The following KLHL4 variants were observed in gnomAD, a reference collection of about 807,000 sequenced individuals.
KLHL4 encodes kelch like family member 4.
A neutral mutation model predicts 45.8 loss-of-function variants in KLHL4; 17 were observed. That is an observed-to-expected ratio of 0.37 (90% CI 0.25 to 0.56). The LOEUF is 0.56. Among genes scored for constraint, KLHL4 ranks in the 20% least tolerant of loss-of-function variants. The probability of loss-of-function intolerance (pLI) is 0.79; values close to 1 mark genes in which losing one functional copy is unlikely to be tolerated. For synonymous variants in KLHL4, 224 were observed against 189.9 expected, an observed-to-expected ratio of 1.18 and a Z score of -1.47; for missense variants, 544 against 544.9, an observed-to-expected ratio of 1.00 and a Z score of 0.02.
At position 87,667,749 on chromosome X, in the gene KLHL4, C is replaced by T. The variant is rs1924420416; in HGVS notation, c.*1215C>T. ...AGTAACTTTTCAAGTAAATGCACAA[C>T]TTTAGAATTTCTACAAATAAGTTCT... On this transcript the variant is annotated 3_prime_UTR_variant, in exon 11 of 11. Coordinates refer to ENST00000373119, the MANE Select transcript of KLHL4 (RefSeq NM_019117.5). 1.4e-6 allele frequency: 1 copy of T among 699,957 alleles called. No individual in the cohort carries two copies. Among genetic ancestry groups the T allele is most frequent in the Non-Finnish European group, 1.7e-6 (1 of 590,903 alleles). The allele number at this position is 699,957 out of a possible 1,213,427, so 57.7% of individuals were successfully genotyped here. A position where few individuals can be genotyped will look rare whatever the true frequency, so the allele number is the denominator to read the frequency against.
At chrX:87,646,869 C>A (rs1470900923) in intron 9 of KLHL4, among the ~76,000 whole-genome samples, 1 of 111,297 alleles carries the variant, frequency 9.0e-6, no homozygotes, top group East Asian at 2.8e-4. Flanking sequence ...AACCCAAAAG[C>A]AAATGCAACA....
chrX:87,634,016 T>C (rs1294119719), intron 8 of KLHL4, 105 bp downstream of exon 8: 12 of 624,616 alleles, frequency 1.9e-5, no homozygotes, highest in Non-Finnish European at 2.6e-5. Context: ...AACCTGGATG[T>C]ACTTGTTATC....
At chrX:87,557,046 A>G (rs1272432183) in intron 1 of KLHL4, among the ~76,000 whole-genome samples, 1 of 112,331 alleles carries the variant, frequency 8.9e-6, no homozygotes, top group African/African-American at 3.2e-5. Context: ...CAAAGTAGAA[A>G]TAACCGTGAG....
intron 9 of KLHL4, among the ~76,000 whole-genome samples, chrX:87,645,335 C>A (rs1232475861): frequency 1.8e-5 from 2 of 111,759 alleles, no homozygotes; most frequent in Non-Finnish European, 3.8e-5. Context: ...AAATGCAAAT[C>A]AAAACCACAA....
intron 9 of KLHL4, among the ~76,000 whole-genome samples, chrX:87,653,096 A>G (rs771440198): frequency 1.8e-5 from 2 of 111,665 alleles, no homozygotes; most frequent in Non-Finnish European, 3.8e-5. Context: ...GCCATGATTC[A>G]ATTATCTCCT....
chrX:87,669,650 CTA>C lies in KLHL4; in HGVS notation c.*3118_*3119del, dbSNP rs1179542312. 3.9e-6 allele frequency: 1 copy of C among 256,330 alleles called. No homozygotes were observed. Among genetic ancestry groups the C allele is most frequent in the Admixed American group, 6.3e-5 (1 of 15,832 alleles). The allele number at this position is 256,330 out of a possible 1,213,427, so 21.1% of individuals were successfully genotyped here. Reference sequence around the variant, plus strand: ...ACAAATGTCCTCAACTGTCATCATTCTATGTTTACTTTCTCCCAATCACATCA... The same window carrying C: ...ACAAATGTCCTCAACTGTCATCATTCTGTTTACTTTCTCCCAATCACATCA... On this transcript the variant is annotated 3_prime_UTR_variant, in exon 11 of 11. Coordinates refer to ENST00000373119, the MANE Select transcript of KLHL4 (RefSeq NM_019117.5).
intron 1 of KLHL4, among the ~76,000 whole-genome samples, chrX:87,554,581 T>G (rs1186836175): frequency 9.6e-6 from 1 of 103,988 alleles, no homozygotes; most frequent in Non-Finnish European, 1.9e-5. Context: ...ATCCTGAGAC[T>G]TTGCTGAAGT....
chrX:87,609,161 G>T (rs1922291628), intron 1 of KLHL4, among the ~76,000 whole-genome samples: 1 of 111,728 alleles, frequency 9.0e-6, no homozygotes, highest in African/African-American at 3.3e-5. Context: ...GTCTGTCATT[G>T]TTGGACATTT....
At chrX:87,566,522 T>A (rs1389324704) in intron 1 of KLHL4, among the ~76,000 whole-genome samples, 2 of 111,880 alleles carry the variant, frequency 1.8e-5, no homozygotes, top group Non-Finnish European at 3.8e-5. Flanking sequence ...ATTAAGCCTA[T>A]TTCATAGTAA....
chrX:87,596,841 A>T (rs1292946383), intron 1 of KLHL4, among the ~76,000 whole-genome samples: 1 of 112,638 alleles, frequency 8.9e-6, no homozygotes. Context: ...ATCGCAAAGG[A>T]TATGGCATAT....
chrX:87,643,102 C>CA (rs1456656511), intron 9 of KLHL4, among the ~76,000 whole-genome samples: 3 of 110,147 alleles, frequency 2.7e-5, no homozygotes, highest in Non-Finnish European at 3.8e-5. Context: ...AAATTGAAAC[C>CA]AAAAAAATAC....
In KLHL4 at chrX:87,669,132, A is replaced by G; in HGVS notation, c.*2598A>G. 1 of 1,014,352 alleles carries G rather than the reference A, an allele frequency of 9.9e-7. No homozygotes were observed. Among genetic ancestry groups the G allele is most frequent in the South Asian group, 3.2e-5 (1 of 31,630 alleles). The allele number at this position is 1,014,352 out of a possible 1,213,427, so 83.6% of individuals were successfully genotyped here. On this transcript the variant is annotated 3_prime_UTR_variant, in exon 11 of 11. Coordinates refer to ENST00000373119, the MANE Select transcript of KLHL4 (RefSeq NM_019117.5). ...GCTAGTTTAAACAAATGTGTATAGG[A>G]AAGGATGTTATTTATATATTCTTAC...
chrX:87,592,459 T>C (rs577537835), intron 1 of KLHL4, among the ~76,000 whole-genome samples: 2 of 111,844 alleles, frequency 1.8e-5, no homozygotes, highest in South Asian at 7.5e-4. Flanking sequence ...AGTGACTTAC[T>C]AATTTACATT....
At chrX:87,638,265 A>G (rs983986307) in intron 9 of KLHL4, among the ~76,000 whole-genome samples, 1 of 112,246 alleles carries the variant, frequency 8.9e-6, no homozygotes, top group African/African-American at 3.2e-5. Flanking sequence ...TTTGGAAAAC[A>G]TATTTGAGGG....
chrX:87,596,129 A>C (rs1363444166), intron 1 of KLHL4, among the ~76,000 whole-genome samples: 1 of 111,692 alleles, frequency 9.0e-6, no homozygotes, highest in Non-Finnish European at 1.9e-5. Context: ...ACCTTCCACC[A>C]TAAATAAGTT....
In KLHL4 at chrX:87,668,663, A is replaced by T. The variant is rs1044655552; in HGVS notation, c.*2129A>T. The T allele has an allele frequency of 6.9e-6, 1 of 144,644 alleles. No homozygotes were observed. The highest frequency in any genetic ancestry group is 3.3e-5 in the African/African-American group (1 of 30,730). 11.9% of individuals were successfully genotyped at this position (144,644 alleles called of 1,213,427 possible). On this transcript the variant is annotated 3_prime_UTR_variant, in exon 11 of 11. Coordinates refer to ENST00000373119, the MANE Select transcript of KLHL4 (RefSeq NM_019117.5). ...GATTAATCCATTCATGGATTAATGG[A>T]TTATTATGAGTGGGGGACTGGTGAC...
intron 1 of KLHL4, among the ~76,000 whole-genome samples, chrX:87,562,121 G>A (rs1484838202): frequency 1.8e-5 from 2 of 108,465 alleles, no homozygotes; most frequent in East Asian, 5.9e-4. Context: ...GAAAGGAGAG[G>A]GAAGAAAAAA....
rs187876992 is a variant in KLHL4 at position 87,667,941 on chromosome X, G to A, written c.*1407G>A. ...AAACTTTATTTCCTCTCACTATAGTGTGGCTTTAGAATATATCAAGTACAA... is the reference window on the plus strand; with the variant it reads ...AAACTTTATTTCCTCTCACTATAGTATGGCTTTAGAATATATCAAGTACAA... On this transcript the variant is annotated 3_prime_UTR_variant, in exon 11 of 11. Transcript: ENST00000373119. 1.4e-6 allele frequency: 1 copy of A among 699,231 alleles called. No homozygotes were observed. Among genetic ancestry groups the A allele is most frequent in the African/African-American group, 2.4e-5 (1 of 42,365 alleles). 57.6% of individuals were successfully genotyped at this position (699,231 alleles called of 1,213,427 possible).
chrX:87,547,148 G>A (rs2147776441), intron 1 of KLHL4, among the ~76,000 whole-genome samples: 1 of 111,553 alleles, frequency 9.0e-6, no homozygotes, highest in African/African-American at 3.3e-5. Flanking sequence ...AATATGGTTT[G>A]GCTTTGTGTC....
Sources: allele counts gnomAD v4.1 joint callset (sites outside exome capture counted in the v4.1 genomes callset), GRCh38; gene constraint gnomAD v4.1.1; transcripts MANE v1.5; gene names NCBI Gene and HGNC (gene_info 2026-07-23, HGNC 2026-07-21).